THADA: variants seen among roughly 807,000 people sequenced by gnomAD.
THADA encodes the protein tRNA (32-2'-O)-methyltransferase regulator THADA.
Under a neutral mutation model 219.8 loss-of-function variants are expected in THADA, and 213 were observed. That is an observed-to-expected ratio of 0.97 (90% confidence interval 0.87 to 1.09). The LOEUF (loss-of-function observed/expected upper bound fraction) is 1.09, where lower values mean the gene tolerates loss of function less well. Ranked by LOEUF, THADA falls within the 50% of genes least tolerant of loss-of-function variation. The probability of loss-of-function intolerance (pLI) is 0.00; values close to 1 mark genes in which losing one functional copy is unlikely to be tolerated. For synonymous variants in THADA, 1,018 were observed against 828.9 expected, an observed-to-expected ratio of 1.23 and a Z score of -3.92; for missense variants, 2,956 against 2,311.3, an observed-to-expected ratio of 1.28 and a Z score of -5.72.
chr2:43,373,847 A>C (rs570209175), intron 29 of THADA, among the ~76,000 whole-genome samples: 1 of 152,226 alleles, frequency 6.6e-6, no homozygotes, highest in Non-Finnish European at 1.5e-5. Flanking sequence ...TTACCAACAG[A>C]TGTTCTTTGT....
intron 36 of THADA, among the ~76,000 whole-genome samples, chr2:43,256,644 A>G (rs1441913314): frequency 6.6e-6 from 1 of 151,138 alleles, no homozygotes; most frequent in African/African-American, 2.4e-5. Flanking sequence ...AGAGTATGTT[A>G]TGTTGCCCAG....
At chr2:43,386,179 G>C (rs1486965919) in intron 29 of THADA, among the ~76,000 whole-genome samples, 1 of 152,066 alleles carries the variant, frequency 6.6e-6, no homozygotes, top group African/African-American at 2.4e-5. Context: ...GAAGCAGGAA[G>C]GCAACAATTG....
In THADA at chr2:43,344,163, G is replaced by A. The variant is rs758904750; in HGVS notation, c.4302C>T (p.Asp1434=). 1.2e-6 allele frequency: 2 copies of A among 1,612,418 alleles called. No individual in the cohort carries two copies. Among genetic ancestry groups the A allele is most frequent in the East Asian group, 4.5e-5 (2 of 44,888 alleles). The change falls in exon 30 of 38, where the codon GAC becomes GAT. Residue 1434 remains aspartate (D), a synonymous_variant. Coordinates refer to ENST00000405975, the MANE Select transcript of THADA (RefSeq NM_022065.5). ...TNSDFQHELT[D]ITVCTKAKLW... is the part of the protein sequence containing the mutation. ...GTTTGGCTTTGGTACAAACAGTGATGTCAGTCAGCTCGTGCTGGAAGTCTG... is the reference window on the plus strand; with the variant it reads ...GTTTGGCTTTGGTACAAACAGTGATATCAGTCAGCTCGTGCTGGAAGTCTG...
At chr2:43,482,464 G>C (rs981736508) in intron 26 of THADA, among the ~76,000 whole-genome samples, 3 of 151,934 alleles carry the variant, frequency 2.0e-5, no homozygotes, top group Non-Finnish European at 2.9e-5. Context: ...CCTTACTTTA[G>C]TATTTTAAAA....
intron 31 of THADA, among the ~76,000 whole-genome samples, chr2:43,300,307 T>G (rs1462416203): frequency 6.6e-6 from 1 of 151,722 alleles, no homozygotes; most frequent in Admixed American, 6.6e-5. Context: ...GAACAAAAAT[T>G]ACTTTTAGAA....
At chr2:43,257,381 T>G (rs1269690210) in intron 36 of THADA, among the ~76,000 whole-genome samples, 1 of 152,186 alleles carries the variant, frequency 6.6e-6, no homozygotes, top group Non-Finnish European at 1.5e-5. Context: ...TCTCACTGCA[T>G]AGGAGTCAGG....
intron 28 of THADA, among the ~76,000 whole-genome samples, chr2:43,409,853 C>CA (rs1191211573): frequency 1.3e-5 from 2 of 151,284 alleles, no homozygotes; most frequent in African/African-American, 4.9e-5. Flanking sequence ...CCTGTCTCTA[C>CA]AAAAAATAAA....
chr2:43,284,584 G>A (rs1268597776), intron 35 of THADA, among the ~76,000 whole-genome samples: 1 of 152,194 alleles, frequency 6.6e-6, no homozygotes, highest in African/African-American at 2.4e-5. Context: ...CAGGAGTGGG[G>A]CCCTCATGGA....
At chr2:43,432,830 G>A (rs934827556) in intron 26 of THADA, among the ~76,000 whole-genome samples, 3 of 152,128 alleles carry the variant, frequency 2.0e-5, no homozygotes, top group African/African-American at 7.2e-5. Flanking sequence ...CCTTTGTGAA[G>A]GATCTCTTCA....
At position 43,508,636 on chromosome 2, in the gene THADA, A is replaced by G; in HGVS notation, c.3507+12T>C. The G allele has an allele frequency of 6.2e-7, 1 of 1,611,178 alleles. No homozygotes were observed. Among genetic ancestry groups the G allele is most frequent in the East Asian group, 2.2e-5 (1 of 44,840 alleles). On this transcript the variant is annotated intron_variant, in intron 23 of 37. Coordinates refer to ENST00000405975, the MANE Select transcript of THADA (RefSeq NM_022065.5). ...AATATAAACAAACAGCTAGGGTCCTACAGATAAATACCTGTATGTAGAAAG... is the reference window on the plus strand; with the variant it reads ...AATATAAACAAACAGCTAGGGTCCTGCAGATAAATACCTGTATGTAGAAAG...
intron 7 of THADA, among the ~76,000 whole-genome samples, chr2:43,584,589 G>A (rs369679810): frequency 2.0e-5 from 3 of 152,150 alleles, no homozygotes; most frequent in Non-Finnish European, 4.4e-5. Flanking sequence ...GATTGAAAAC[G>A]TAAAAAGATA....
chr2:43,498,700 G>C, intron 25 of THADA, 133 bp downstream of exon 25: 2 of 1,018,452 alleles, frequency 2.0e-6, no homozygotes, highest in East Asian at 2.7e-5. Flanking sequence ...AATGTAGCTT[G>C]ATCCAAAGAT....
intron 22 of THADA, among the ~76,000 whole-genome samples, chr2:43,515,296 A>AT (rs1691507914): frequency 2.8e-5 from 1 of 35,284 alleles, no homozygotes; most frequent in East Asian, 8.7e-4. Context: ...TATATAATAT[A>AT]TAATATGTAA....
intron 30 of THADA, chr2:43,343,309 T>A (rs1667257197): frequency 6.6e-6 from 1 of 152,294 alleles, no homozygotes; most frequent in Admixed American, 6.5e-5. Flanking sequence ...GTGCTGGGAT[T>A]ACAGACATGA....
chr2:43,542,298 G>A (rs1056811424), intron 20 of THADA, among the ~76,000 whole-genome samples: 2 of 152,122 alleles, frequency 1.3e-5, no homozygotes, highest in African/African-American at 4.8e-5. Context: ...ACTAAAGAAG[G>A]AAGACATGGA....
intron 28 of THADA, among the ~76,000 whole-genome samples, chr2:43,412,238 T>C (rs889047886): frequency 6.6e-6 from 1 of 152,166 alleles, no homozygotes; most frequent in Non-Finnish European, 1.5e-5. Context: ...ACTCCCCGGC[T>C]TTCTTCCTTG....
In THADA at chr2:43,467,098, C is replaced by G. The variant is rs368509645; in HGVS notation, c.3836+18136G>C. ...TCGGGAGGCTGAGGCAGGAGAATGG[C>G]GTGAACCCGGGAGGCGGAGCTTGCA... On this transcript the variant is annotated intron_variant, in intron 26 of 37. Coordinates refer to ENST00000405975, the MANE Select transcript of THADA (RefSeq NM_022065.5). 3.0e-3 allele frequency among the ~76,000 whole-genome samples: 405 copies of G among 137,002 alleles called. 2 individuals are homozygous for G. Among genetic ancestry groups the G allele is most frequent in the Middle Eastern group, 0.013 (3 of 230 alleles). 89.9% of individuals were successfully genotyped at this position (137,002 alleles called of 152,430 possible). A position where few individuals can be genotyped will look rare whatever the true frequency, so the allele number is the denominator to read the frequency against.
At chr2:43,398,239 G>T (rs900120535) in intron 28 of THADA, 100 bp from the exon 29 acceptor site, 5 of 1,269,238 alleles carry the variant, frequency 3.9e-6, no homozygotes, top group Non-Finnish European at 4.4e-6. Context: ...GAACATCCAG[G>T]GGTTAGGGGG....
At chr2:43,589,653 A>G (rs2104172179) in intron 4 of THADA, among the ~76,000 whole-genome samples, 1 of 152,346 alleles carries the variant, frequency 6.6e-6, no homozygotes. Context: ...AGGCATAAGA[A>G]TGATACAATG....
Sources: allele counts gnomAD v4.1 joint callset (sites outside exome capture counted in the v4.1 genomes callset), GRCh38; gene constraint gnomAD v4.1.1; transcripts MANE v1.5; gene names NCBI Gene and HGNC (gene_info 2026-07-23, HGNC 2026-07-21).